The following RAET1G variants were observed in gnomAD, a reference collection of about 807,000 sequenced individuals.
RAET1G encodes retinoic acid early transcript 1G.
A neutral mutation model predicts 29.5 loss-of-function variants in RAET1G; 25 were observed. The ratio of observed to expected loss-of-function variants is 0.85; its 90% confidence interval spans 0.62 to 1.18. The LOEUF (loss-of-function observed/expected upper bound fraction) is 1.18. Ranked by LOEUF, RAET1G falls within the 50% of genes most tolerant of loss-of-function variation. The probability of loss-of-function intolerance (pLI) is 0.00; values close to 1 mark genes in which losing one functional copy is unlikely to be tolerated. For missense variants in RAET1G, 434 were observed against 423.6 expected (o/e 1.02, Z -0.22); for synonymous variants, 167 against 159.5 (o/e 1.05, Z -0.36).
chr6:149,922,984 G>A lies in RAET1G; in HGVS notation c.27C>T (p.Phe9=). The A allele has an allele frequency of 1.2e-6, 2 of 1,605,516 alleles. No homozygotes were observed. Among genetic ancestry groups the A allele is most frequent in the Non-Finnish European group, 1.7e-6 (2 of 1,176,626 alleles). MAAAASPA[F]LLRLPLLLLL... is the part of the protein sequence containing the mutation. Reference sequence around the variant, plus strand: ...GGAGCAGAAGCGGGAGGCGTAGAAGGAACGCGGGGCTGGCGGCCGCTGCCA... The same window carrying A: ...GGAGCAGAAGCGGGAGGCGTAGAAGAAACGCGGGGCTGGCGGCCGCTGCCA... Residue 9 remains phenylalanine (F), a synonymous_variant, in exon 1 of 5, where the codon TTC becomes TTT. Coordinates refer to ENST00000367360, the MANE Select transcript of RAET1G (RefSeq NM_001001788.4).
chr6:149,920,529 A>T (rs1204312165), intron 1 of RAET1G, among the ~76,000 whole-genome samples: 2 of 152,150 alleles, frequency 1.3e-5, no homozygotes, highest in East Asian at 1.9e-4. Context: ...TTTACCTGGC[A>T]TATAAAGAAG....
rs762165334 is a variant in RAET1G, at chr6:149,918,286, T to G, written c.730A>C (p.Arg244=). 1.1e-5 allele frequency: 17 copies of G among 1,613,976 alleles called. No individual in the cohort carries two copies. The South Asian group carries it at 1.9e-4, about 18-fold the overall frequency. ...LLIMCLLICS[R]HSLTQSHGHH... ...CCATGGCTTTGGGTCAGACTGTGCC[T>G]GGAGCATATGAGGAGACACATGATG... is the stretch of plus-strand genomic sequence containing the variant. The change falls in exon 4 of 5, where the codon AGG becomes CGG. Residue 244 remains arginine (R), a synonymous_variant. Transcript: ENST00000367360.
chr6:149,916,990 T>A lies in RAET1G; in HGVS notation c.927A>T (p.Leu309Phe). 7 of 1,550,672 alleles carry A rather than the reference T, an allele frequency of 4.5e-6. No individual in the cohort carries two copies. The highest frequency in any genetic ancestry group is 6.1e-6 in the Non-Finnish European group (7 of 1,146,460). Residue 309 changes from leucine to phenylalanine, a missense_variant, in exon 5 of 5, where the codon TTA (leucine) becomes TTT (phenylalanine). Coordinates refer to ENST00000367360, the MANE Select transcript of RAET1G (RefSeq NM_001001788.4). ...LPIIGDDSHS[L>F]PCPLALYTIN... ...TTGTATACAAGGCAAGAGGGCAGGG[T>A]AAGGAGTGTGAGTCGTCTCCAATGA... is the stretch of plus-strand genomic sequence containing the variant.
chr6:149,917,188 C>T (rs1375193881), intron 4 of RAET1G, 114 bp from the exon 5 acceptor site: 2 of 1,352,496 alleles, frequency 1.5e-6, no homozygotes, highest in Non-Finnish European at 1.9e-6. Context: ...GCCAGGTGTA[C>T]AGGGCGGAAC....
At chr6:149,918,990 A>G (rs1562479110) in intron 3 of RAET1G, 53 bp downstream of exon 3, 1 of 1,601,856 alleles carries the variant, frequency 6.2e-7, no homozygotes, top group Non-Finnish European at 8.5e-7. Context: ...TAGTTTCTTG[A>G]GATCCCCATT....
intron 4 of RAET1G, among the ~76,000 whole-genome samples, chr6:149,917,442 A>G (rs1212390187): frequency 6.6e-6 from 1 of 152,216 alleles, no homozygotes; most frequent in Non-Finnish European, 1.5e-5. Context: ...CTGTCTGGGC[A>G]TGACAGAGGG....
Position 149,919,186 on chromosome 6 carries a change from G to A in RAET1G, c.488C>T (p.Pro163Leu), listed in dbSNP as rs751922280. The A allele has an allele frequency of 6.2e-7, 1 of 1,614,210 alleles. No individual in the cohort carries two copies. Among genetic ancestry groups the A allele is most frequent in the Admixed American group, 1.7e-5 (1 of 60,026 alleles). The change falls in exon 3 of 5, where the codon CCT becomes CTT. Residue 163 changes from proline to leucine, a missense_variant. Coordinates refer to ENST00000367360, the MANE Select transcript of RAET1G (RefSeq NM_001001788.4). ...SENRMWTTVH[P>L]GARKMKEKWE... ...CTTTTCTTTCATCTTTCTGGCTCCA[G>A]GATGAACCGTTGTCCACATTCTGTT...
intron 1 of RAET1G, 137 bp downstream of exon 1, chr6:149,922,789 C>A (rs1204216255): frequency 6.3e-5 from 37 of 591,866 alleles, no homozygotes; most frequent in Non-Finnish European, 9.0e-5. Context: ...GAAGGAGACG[C>A]GGAGGGAAAC....
intron 2 of RAET1G, 71 bp downstream of exon 2, chr6:149,919,482 A>G: frequency 3.7e-6 from 6 of 1,613,254 alleles, no homozygotes; most frequent in African/African-American, 1.3e-5. Context: ...GTATTTTTAC[A>G]TGAAAACTAT....
At chr6:149,919,939 C>T (rs1778559660) in intron 1 of RAET1G, 123 bp from the exon 2 acceptor site, 2 of 1,589,660 alleles carry the variant, frequency 1.3e-6, no homozygotes, top group African/African-American at 2.7e-5. Context: ...GGAGTGCCTC[C>T]TCCAGAACTG....
intron 3 of RAET1G, 21 bp from the exon 4 acceptor site, chr6:149,918,405 T>G (rs1349439206): frequency 2.5e-6 from 4 of 1,610,670 alleles, no homozygotes; most frequent in Admixed American, 3.3e-5. Flanking sequence ...AGCACAAGAG[T>G]GACAACCCTT....
intron 2 of RAET1G, 110 bp from the exon 3 acceptor site, chr6:149,919,434 C>T: frequency 6.2e-7 from 1 of 1,606,634 alleles, no homozygotes; most frequent in Non-Finnish European, 8.5e-7. Context: ...CTGGCCTTGC[C>T]TCTAGACGTC....
At chr6:149,918,436 G>A (rs1251564290) in intron 3 of RAET1G, 52 bp from the exon 4 acceptor site, 2 of 1,578,018 alleles carry the variant, frequency 1.3e-6, no homozygotes. Flanking sequence ...CAAATCTGAG[G>A]AGATGCCTCC....
chr6:149,922,796 A>C, intron 1 of RAET1G, 130 bp downstream of exon 1: 4 of 612,342 alleles, frequency 6.5e-6, no homozygotes, highest in Non-Finnish European at 1.1e-5. Flanking sequence ...ACGCGGAGGG[A>C]AACTGAGCGG....
chr6:149,918,965 G>A, intron 3 of RAET1G, 78 bp downstream of exon 3: 3 of 1,589,186 alleles, frequency 1.9e-6, no homozygotes, highest in East Asian at 2.2e-5. Context: ...GATGATTGAA[G>A]CTGAACTCAA....
intron 3 of RAET1G, chr6:149,918,711 G>C: frequency 1.7e-6 from 1 of 596,616 alleles, no homozygotes; most frequent in Admixed American, 3.0e-5. Flanking sequence ...TCCAGAAACA[G>C]ACCAGAGGAG....
Position 149,919,100 on chromosome 6 carries a change from C to T in RAET1G, c.574G>A (p.Gly192Arg), listed in dbSNP as rs1778528260. The T allele has an allele frequency of 1.2e-6, 2 of 1,614,208 alleles. No homozygotes were observed. The highest frequency in any genetic ancestry group is 1.7e-6 in the Non-Finnish European group (2 of 1,180,038). Residue 192 changes from glycine to arginine, a missense_variant, in exon 3 of 5, where the codon GGA (glycine) becomes AGA (arginine). By Grantham distance (125) the Gly-to-Arg change is moderately radical (BLOSUM62 -2). Transcript: ENST00000367360. ...FHYISMGDCT[G>R]WLEDFLMGMD... is the part of the protein sequence containing the mutation. The stretch of plus-strand genomic sequence containing the variant: ...CCCATCAAGAAGTCCTCAAGCCATC[C>T]TGTGCAGTCTCCCATTGAGATGTAA...
rs576789951 is a variant in RAET1G at position 149,919,814 on chromosome 6, G to A, written c.88C>T (p.Pro30Ser). The A allele has an allele frequency of 3.7e-6, 6 of 1,611,926 alleles. No homozygotes were observed. The highest frequency in any genetic ancestry group is 4.5e-5 in the East Asian group (2 of 44,898). Residue 30 changes from proline (P) to serine (S), a missense_variant and splice_region_variant, in exon 2 of 5, where the codon CCT becomes TCT. Coordinates refer to ENST00000367360, the MANE Select transcript of RAET1G (RefSeq NM_001001788.4). ...SSWCRTGLAD[P>S]HSLCYDITVI... Reference sequence around the variant, plus strand: ...GTGATGTCATAGCAAAGAGAGTGAGGGTCTGTGGAGAAAGGCAGGTGAGGG... The same window carrying A: ...GTGATGTCATAGCAAAGAGAGTGAGAGTCTGTGGAGAAAGGCAGGTGAGGG...
Position 149,916,962 on chromosome 6 carries a change from T to G in RAET1G, c.955A>C (p.Asn319His). The G allele has an allele frequency of 1.9e-6, 3 of 1,547,770 alleles. No individual in the cohort carries two copies. Among genetic ancestry groups the G allele is most frequent in the Non-Finnish European group, 2.6e-6 (3 of 1,144,800 alleles). The change falls in exon 5 of 5, where the codon AAT becomes CAT. Residue 319 changes from asparagine (N) to histidine (H), a missense_variant. Coordinates refer to ENST00000367360, the MANE Select transcript of RAET1G (RefSeq NM_001001788.4). ...TCCGAATACCTGGCTGCGCCGTTATTTATTGTATACAAGGCAAGAGGGCAG... is the reference window on the plus strand; with the variant it reads ...TCCGAATACCTGGCTGCGCCGTTATGTATTGTATACAAGGCAAGAGGGCAG... ...LPCPLALYTI[N>H]NGAARYSEPL...
Sources: allele counts gnomAD v4.1 joint callset (sites outside exome capture counted in the v4.1 genomes callset), GRCh38; gene constraint gnomAD v4.1.1; transcripts MANE v1.5; gene names NCBI Gene and HGNC (gene_info 2026-07-23, HGNC 2026-07-21).